The following PLEKHH2 variants were observed in gnomAD, a reference collection of about 807,000 sequenced individuals.
PLEKHH2 encodes the protein pleckstrin homology, MyTH4 and FERM domain containing H2, also known as pleckstrin homology domain-containing family H member 2.
Under a neutral mutation model 187.9 loss-of-function variants are expected in PLEKHH2, and 129 were observed. The observed-to-expected ratio is 0.69, with a 90% CI of 0.59 to 0.79. PLEKHH2 has a LOEUF of 0.79. PLEKHH2 is among the 30% of genes least tolerant of loss of function. The pLI is 0.00. For synonymous variants in PLEKHH2, 686 were observed against 605.6 expected, an observed-to-expected ratio of 1.13 and a Z score of -1.95; for missense variants, 2,076 against 1,751.2, an observed-to-expected ratio of 1.19 and a Z score of -3.31.
At chr2:43,743,003 T>C in intron 22 of PLEKHH2, 85 bp downstream of exon 22, 4 of 1,094,174 alleles carry the variant, frequency 3.7e-6, no homozygotes, top group Non-Finnish European at 4.9e-6. Context: ...CTGCTTACTT[T>C]TGTCAGCACC....
chr2:43,725,724 A>G (rs1168446356), intron 16 of PLEKHH2, among the ~76,000 whole-genome samples: 1 of 152,178 alleles, frequency 6.6e-6, no homozygotes, highest in Non-Finnish European at 1.5e-5. Context: ...TAATATGTAT[A>G]TGGTTCTTTC....
chr2:43,739,443 G>A (rs1671456764), intron 20 of PLEKHH2, among the ~76,000 whole-genome samples: 1 of 152,178 alleles, frequency 6.6e-6, no homozygotes. Flanking sequence ...TTAGCCACAG[G>A]ATAAATCAGA....
intron 17 of PLEKHH2, 92 bp downstream of exon 17, chr2:43,726,543 A>C: frequency 7.9e-7 from 1 of 1,263,998 alleles, no homozygotes; most frequent in Non-Finnish European, 1.1e-6. Context: ...AATGGAAATA[A>C]GGAAGAAAAT....
chr2:43,757,285 CTT>C (rs759061744), intron 26 of PLEKHH2, 21 bp downstream of exon 26: 1 of 1,520,996 alleles, frequency 6.6e-7, no homozygotes, highest in Non-Finnish European at 8.8e-7. Context: ...CTTTGTAACT[CTT>C]TATAGGGTAG....
chr2:43,697,120 A>G, intron 6 of PLEKHH2, 51 bp from the exon 7 acceptor site: 1 of 1,450,218 alleles, frequency 6.9e-7, no homozygotes, highest in Non-Finnish European at 9.3e-7. Context: ...TCTATGTTTA[A>G]CAAACTTCTA....
chr2:43,707,480 C>G lies in PLEKHH2; in HGVS notation c.1901C>G (p.Ser634Cys). Residue 634 changes from serine (S) to cysteine (C), a missense_variant, in exon 11 of 30, where the codon TCC (serine) becomes TGC (cysteine). Physicochemically the swap from Ser to Cys is moderately radical, Grantham distance 112 (BLOSUM62 -1). Transcript: ENST00000282406. ...SEEEDSSRSS[S>C]RTSESDSRSR... is the part of the protein sequence containing the mutation. ...GAAGAAGACAGCTCCAGATCCAGCTCCCGGACGTCAGAGTCAGACTCACGC... is the reference window on the plus strand; with the variant it reads ...GAAGAAGACAGCTCCAGATCCAGCTGCCGGACGTCAGAGTCAGACTCACGC... The G allele has an allele frequency of 1.2e-6, 2 of 1,614,130 alleles. No individual in the cohort carries two copies. The highest frequency in any genetic ancestry group is 2.2e-5 in the South Asian group (2 of 91,078).
At chr2:43,642,398 C>T (rs1665982246) in intron 1 of PLEKHH2, among the ~76,000 whole-genome samples, 1 of 152,124 alleles carries the variant, frequency 6.6e-6, no homozygotes, top group Admixed American at 6.5e-5. Flanking sequence ...TGCACATGAT[C>T]ATGTCATCTG....
At position 43,738,475 on chromosome 2, in the gene PLEKHH2, A is replaced by T; in HGVS notation, c.3078A>T (p.Lys1026Asn). Residue 1026 changes from lysine to asparagine, a missense_variant, in exon 20 of 30, where the codon AAA (lysine) becomes AAT (asparagine). Transcript: ENST00000282406. ...ATGAAATTTGCTGTCAGCTTATTAA[A>T]CAGACAAGACGAAGACAGCCACAGA... ...LQNEICCQLI[K>N]QTRRRQPQNQ... The T allele has an allele frequency of 6.2e-7, 1 of 1,613,844 alleles. No individual in the cohort carries two copies. Among genetic ancestry groups the T allele is most frequent in the African/African-American group, 1.3e-5 (1 of 75,040 alleles).
chr2:43,750,077 A>T (rs1484805485), intron 24 of PLEKHH2, among the ~76,000 whole-genome samples: 1 of 152,180 alleles, frequency 6.6e-6, no homozygotes, highest in Non-Finnish European at 1.5e-5. Flanking sequence ...GCATGTTTTT[A>T]ACAAAAGAAA....
At chr2:43,684,760 A>G (rs1484589437) in intron 3 of PLEKHH2, among the ~76,000 whole-genome samples, 1 of 151,022 alleles carries the variant, frequency 6.6e-6, no homozygotes, top group African/African-American at 2.4e-5. Flanking sequence ...TATGTGCTAT[A>G]TCTTTAAGCA....
At chr2:43,660,225 A>C (rs1350990336) in intron 2 of PLEKHH2, among the ~76,000 whole-genome samples, 1 of 152,108 alleles carries the variant, frequency 6.6e-6, no homozygotes. Context: ...GTTCCTGTTT[A>C]TTGTAGAGTA....
chr2:43,694,564 A>G lies in PLEKHH2; in HGVS notation c.420+50A>G, dbSNP rs578177311. The G allele has an allele frequency of 1.7e-4, 252 of 1,474,238 alleles. 1 individual carries two copies. The South Asian group carries it at 3.0e-3, about 18-fold the overall frequency. 91.3% of individuals were successfully genotyped at this position (1,474,238 alleles called of 1,614,324 possible). Reference sequence around the variant, plus strand: ...TTTCTTTACCTTTTACTTCTTTTGAATTGATACATCATCAGAATATGTGAT... The same window carrying G: ...TTTCTTTACCTTTTACTTCTTTTGAGTTGATACATCATCAGAATATGTGAT... On this transcript the variant is annotated intron_variant, in intron 5 of 29. Transcript: ENST00000282406.
At chr2:43,738,846 G>A (rs1277695328) in intron 20 of PLEKHH2, among the ~76,000 whole-genome samples, 26 of 152,024 alleles carry the variant, frequency 1.7e-4, no homozygotes, top group Admixed American at 1.4e-3. Flanking sequence ...CATTAAGTAC[G>A]ATACATTTCT....
chr2:43,694,369 TA>T (rs746438128), intron 4 of PLEKHH2, 61 bp from the exon 5 acceptor site: 69 of 1,481,500 alleles, frequency 4.7e-5, no homozygotes, highest in Non-Finnish European at 6.2e-5. Flanking sequence ...ATATTTATGG[TA>T]AAACATTTCC....
chr2:43,683,303 C>T (rs1245653736), intron 3 of PLEKHH2, among the ~76,000 whole-genome samples: 1 of 151,834 alleles, frequency 6.6e-6, no homozygotes, highest in African/African-American at 2.4e-5. Context: ...CCACGCCTAG[C>T]TCATTTTGTA....
intron 16 of PLEKHH2, among the ~76,000 whole-genome samples, chr2:43,725,038 G>A (rs1670670287): frequency 6.6e-6 from 1 of 152,218 alleles, no homozygotes; most frequent in African/African-American, 2.4e-5. Flanking sequence ...TCCCGAGTGG[G>A]TTGCCAATTT....
At chr2:43,723,152 G>A (rs181616502) in intron 16 of PLEKHH2, among the ~76,000 whole-genome samples, 3 of 152,196 alleles carry the variant, frequency 2.0e-5, no homozygotes. Context: ...GGTTAGTATT[G>A]TTATGTATTA....
At chr2:43,651,793 C>G (rs1666486118) in intron 2 of PLEKHH2, among the ~76,000 whole-genome samples, 1 of 152,172 alleles carries the variant, frequency 6.6e-6, no homozygotes, top group African/African-American at 2.4e-5. Context: ...CATAGCATAG[C>G]TGTGAAATAA....
chr2:43,673,109 T>G (rs973560145), intron 2 of PLEKHH2, among the ~76,000 whole-genome samples: 1 of 152,162 alleles, frequency 6.6e-6, no homozygotes, highest in Non-Finnish European at 1.5e-5. Flanking sequence ...GTAAGCAGAA[T>G]GTTATAATGG....
Sources: allele counts gnomAD v4.1 joint callset (sites outside exome capture counted in the v4.1 genomes callset), GRCh38; gene constraint gnomAD v4.1.1; transcripts MANE v1.5; gene names NCBI Gene and HGNC (gene_info 2026-07-23, HGNC 2026-07-21).